TTLL6: variants seen among roughly 807,000 people sequenced by gnomAD.
The protein encoded by TTLL6 is tubulin tyrosine ligase like 6, also known as tubulin polyglutamylase TTLL6.
A neutral mutation model predicts 96.4 loss-of-function variants in TTLL6; 75 were observed. That is an observed-to-expected ratio of 0.78 (90% CI 0.65 to 0.94). TTLL6 has a LOEUF of 0.94. Among genes scored for constraint, TTLL6 ranks in the 40% least tolerant of loss-of-function variants. The pLI, the probability that TTLL6 is intolerant of heterozygous loss-of-function variation, is 0.00. For missense variants in TTLL6, 1,030 were observed against 1,093.0 expected, an observed-to-expected ratio of 0.94 and a Z score of 0.81; for synonymous variants, 411 against 419.4, an observed-to-expected ratio of 0.98 and a Z score of 0.24.
chr17:48,767,362 G>A (rs772600612), intron 15 of TTLL6, among the ~76,000 whole-genome samples: 21 of 152,194 alleles, frequency 1.4e-4, no homozygotes, highest in Non-Finnish European at 2.6e-4. Flanking sequence ...GGAAACATCA[G>A]GCCCAGCTCT....
intron 12 of TTLL6, 127 bp downstream of exon 12, chr17:48,786,037 C>T (rs2039083934): frequency 7.0e-7 from 1 of 1,432,620 alleles, no homozygotes; most frequent in Non-Finnish European, 9.4e-7. Flanking sequence ...CCCGTCGTTG[C>T]CCAGCCCTCT....
intron 12 of TTLL6, 50 bp from the exon 13 acceptor site, chr17:48,785,251 C>T: frequency 6.2e-7 from 1 of 1,611,008 alleles, no homozygotes; most frequent in Non-Finnish European, 8.5e-7. Flanking sequence ...CCAGCTCTAT[C>T]CACTTCCAGA....
intron 9 of TTLL6, among the ~76,000 whole-genome samples, chr17:48,791,071 C>T (rs761631084): frequency 1.3e-5 from 2 of 152,192 alleles, no homozygotes; most frequent in African/African-American, 2.4e-5. Flanking sequence ...TGATGAAAAA[C>T]GCCCCTTTCT....
At chr17:48,803,826 C>A (rs903760926) in intron 3 of TTLL6, 65 bp downstream of exon 3, 2 of 1,510,328 alleles carry the variant, frequency 1.3e-6, no homozygotes, top group African/African-American at 2.8e-5. Flanking sequence ...AAGAGTGACT[C>A]TTCCCAACCC....
At chr17:48,779,978 C>T (rs772754447) in intron 13 of TTLL6, among the ~76,000 whole-genome samples, 1 of 151,306 alleles carries the variant, frequency 6.6e-6, no homozygotes, top group African/African-American at 2.4e-5. Context: ...TCAAAATGTT[C>T]GTATCATGAT....
chr17:48,794,251 A>C lies in TTLL6; in HGVS notation c.998+1810T>G, dbSNP rs1462267110. 6 of 1,613,970 alleles carry C rather than the reference A, an allele frequency of 3.7e-6. No individual in the cohort carries two copies. In the South Asian group the frequency reaches 6.6e-5, roughly 18 times the overall value. On this transcript the variant is annotated intron_variant, in intron 8 of 15. Coordinates refer to ENST00000393382, the MANE Select transcript of TTLL6 (RefSeq NM_001130918.3). ...ACCCCTCCATCACAGCCGAGGGCCC[A>C]GGGCCTGCTGTTGGGGTGCCAATTC... is the stretch of plus-strand genomic sequence containing the variant.
intron 6 of TTLL6, among the ~76,000 whole-genome samples, chr17:48,797,818 G>A (rs1360246569): frequency 7.0e-6 from 1 of 142,084 alleles, no homozygotes; most frequent in Non-Finnish European, 1.5e-5. Context: ...AAAGTCCTCT[G>A]ATGGGCCAGG....
chr17:48,783,023 C>A (rs565836966), intron 13 of TTLL6, among the ~76,000 whole-genome samples: 1 of 152,086 alleles, frequency 6.6e-6, no homozygotes, highest in Admixed American at 6.6e-5. Flanking sequence ...TTAACTGGTA[C>A]TTTTTCAAAG....
intron 13 of TTLL6, among the ~76,000 whole-genome samples, chr17:48,772,498 G>A (rs959385502): frequency 2.0e-5 from 3 of 152,056 alleles, no homozygotes; most frequent in African/African-American, 7.2e-5. Flanking sequence ...TTGGGAGGCC[G>A]AGGTGGGCGG....
chr17:48,798,966 A>G (rs1376281863), intron 6 of TTLL6, among the ~76,000 whole-genome samples: 2 of 151,752 alleles, frequency 1.3e-5, no homozygotes, highest in Non-Finnish European at 2.9e-5. Flanking sequence ...AGTAGCTGGG[A>G]CTACAGGCAT....
chr17:48,812,170 T>G (rs2039606641), intron 1 of TTLL6: 2 of 149,324 alleles, frequency 1.3e-5, no homozygotes, highest in Non-Finnish European at 3.0e-5. Context: ...ACCTGGTAGT[T>G]CCCACCTATT....
At chr17:48,808,763 G>A (rs1331502554) in intron 1 of TTLL6, among the ~76,000 whole-genome samples, 1 of 151,976 alleles carries the variant, frequency 6.6e-6, no homozygotes, top group Non-Finnish European at 1.5e-5. Flanking sequence ...TAGAGACAGG[G>A]TTTCACCATG....
At chr17:48,813,142 T>G (rs986297163) in intron 1 of TTLL6, among the ~76,000 whole-genome samples, 1 of 152,116 alleles carries the variant, frequency 6.6e-6, no homozygotes, top group Non-Finnish European at 1.5e-5. Flanking sequence ...ACAGCCTGTC[T>G]CTCCATGCTC....
At chr17:48,810,139 C>CA (rs59291777) in intron 1 of TTLL6, among the ~76,000 whole-genome samples, 2,214 of 60,400 alleles carry the variant, frequency 0.037, 72 homozygotes, top group African/African-American at 0.097. Flanking sequence ...AACTCTGTCT[C>CA]AAAAAAAAAA....
rs774132252 is a variant in TTLL6 at position 48,786,181 on chromosome 17, T to C, written c.1744A>G (p.Thr582Ala). 6.2e-7 allele frequency: 1 copy of C among 1,614,232 alleles called. No homozygotes were observed. The highest frequency in any genetic ancestry group is 8.5e-7 in the Non-Finnish European group (1 of 1,180,042). The change falls in exon 12 of 16, where the codon ACC (threonine) becomes GCC (alanine). Residue 582 changes from threonine to alanine, a missense_variant. Thr to Ala is a moderately conservative substitution (Grantham distance 58). Transcript: ENST00000393382. ...AGGTTTACCTGTTTGGAGGCTTGGG[T>C]GGCGGCCTTGTCTTTCTGCTGTTGT... Reference protein sequence around the residue: ...QKQQQKDKAATQASKQYIQPL... With the variant: ...QKQQQKDKAAAQASKQYIQPL...
At chr17:48,784,750 G>C (rs1299044468) in intron 13 of TTLL6, among the ~76,000 whole-genome samples, 173 bp downstream of exon 13, 1 of 152,160 alleles carries the variant, frequency 6.6e-6, no homozygotes, top group Middle Eastern at 3.2e-3. Flanking sequence ...CTTCCTAAAT[G>C]CCGGTCCTCC....
At chr17:48,804,200 A>G in intron 2 of TTLL6, 1 of 568,660 alleles carries the variant, frequency 1.8e-6, no homozygotes, top group Non-Finnish European at 3.2e-6. Flanking sequence ...TCTCACTAAC[A>G]TCATTGCCTC....
At chr17:48,812,064 A>ACCCCCCCCCCCCCCCCCCCCCCC (rs56757071) in intron 1 of TTLL6, 1 of 76,140 alleles carries the variant, frequency 1.3e-5, no homozygotes, top group African/African-American at 5.5e-5. Context: ...TGATGCTGGG[A>ACCCCCCCCCCCCCCCCCCCCCCC]CCCCCCCCCC....
chr17:48,790,465 G>C (rs917132629), intron 9 of TTLL6, among the ~76,000 whole-genome samples: 2 of 152,198 alleles, frequency 1.3e-5, no homozygotes, highest in African/African-American at 2.4e-5. Flanking sequence ...TTGGACATAG[G>C]AGGTAGAGAG....
Sources: allele counts gnomAD v4.1 joint callset (sites outside exome capture counted in the v4.1 genomes callset), GRCh38; gene constraint gnomAD v4.1.1; transcripts MANE v1.5; gene names NCBI Gene and HGNC (gene_info 2026-07-23, HGNC 2026-07-21).